ADAM32: variants seen among roughly 807,000 people sequenced by gnomAD.
ADAM32 encodes the protein ADAM metallopeptidase domain 32, also known as disintegrin and metalloproteinase domain-containing protein 32.
Under a neutral mutation model 114.9 loss-of-function variants are expected in ADAM32, and 89 were observed. The observed-to-expected ratio is 0.77, with a 90% CI of 0.65 to 0.92. The LOEUF (loss-of-function observed/expected upper bound fraction) is 0.92. ADAM32 is among the 40% of genes least tolerant of loss of function. The pLI is 0.00. For missense variants in ADAM32, 870 were observed against 932.8 expected, an observed-to-expected ratio of 0.93 and a Z score of 0.88; for synonymous variants, 285 against 307.5, an observed-to-expected ratio of 0.93 and a Z score of 0.77.
At chr8:39,181,015 G>A (rs987569455) in intron 10 of ADAM32, among the ~76,000 whole-genome samples, 6 of 152,070 alleles carry the variant, frequency 3.9e-5, no homozygotes, top group African/African-American at 4.8e-5. Flanking sequence ...GATTGTAAAC[G>A]CACCAATCAG....
At chr8:39,196,743 C>G (rs772672123) in intron 11 of ADAM32, among the ~76,000 whole-genome samples, 1 of 151,774 alleles carries the variant, frequency 6.6e-6, no homozygotes, top group Non-Finnish European at 1.5e-5. Context: ...TTTACTAATA[C>G]GTTGTTGAGA....
chr8:39,180,645 A>G (rs1805809998), intron 10 of ADAM32, among the ~76,000 whole-genome samples: 1 of 152,142 alleles, frequency 6.6e-6, no homozygotes, highest in Non-Finnish European at 1.5e-5. Flanking sequence ...GATTGTAAAT[A>G]CACCAATTGG....
At chr8:39,250,381 T>G (rs1811212598) in intron 17 of ADAM32, among the ~76,000 whole-genome samples, 1 of 151,920 alleles carries the variant, frequency 6.6e-6, no homozygotes, top group South Asian at 2.1e-4. Context: ...ATCAAAAGCA[T>G]TCTTCATTTC....
intron 2 of ADAM32, among the ~76,000 whole-genome samples, chr8:39,123,146 A>G (rs963991108): frequency 6.6e-6 from 1 of 152,186 alleles, no homozygotes; most frequent in Non-Finnish European, 1.5e-5. Flanking sequence ...ACCTTTGTAG[A>G]TCAAGTAAAT....
At chr8:39,142,879 A>G (rs938773487) in intron 3 of ADAM32, among the ~76,000 whole-genome samples, 1 of 151,996 alleles carries the variant, frequency 6.6e-6, no homozygotes, top group Non-Finnish European at 1.5e-5. Flanking sequence ...TAGTCCCTAT[A>G]TTTCTTGGAG....
chr8:39,284,093 T>C (rs1248851783), intron 24 of ADAM32, among the ~76,000 whole-genome samples: 1 of 152,212 alleles, frequency 6.6e-6, no homozygotes, highest in Non-Finnish European at 1.5e-5. Context: ...TAGCTTCAAA[T>C]GACCAATCTT....
chr8:39,164,603 C>T (rs1255301483), intron 7 of ADAM32, among the ~76,000 whole-genome samples, 161 bp from the exon 8 acceptor site: 1 of 152,172 alleles, frequency 6.6e-6, no homozygotes. Context: ...ATCAGCAATG[C>T]ATGAGGGATC....
In ADAM32 at chr8:39,154,251, C is replaced by T. The variant is rs1804010708; in HGVS notation, c.525+2703C>T. Among the ~76,000 whole-genome samples the T allele has an allele frequency of 2.6e-5, 4 of 151,962 alleles. No homozygotes were observed. The Middle Eastern group carries it at 0.014, about 524-fold the overall frequency. Reference sequence around the variant, plus strand: ...TCCCCTCCCTGTGTCCATGTGTTCTCATTGTTCATCTCCCACTTATGAATG... The same window carrying T: ...TCCCCTCCCTGTGTCCATGTGTTCTTATTGTTCATCTCCCACTTATGAATG... On this transcript the variant is annotated intron_variant, in intron 6 of 24. Transcript: ENST00000379907.
chr8:39,142,730 C>G (rs868511262), intron 3 of ADAM32, among the ~76,000 whole-genome samples: 18 of 152,104 alleles, frequency 1.2e-4, no homozygotes, highest in African/African-American at 4.1e-4. Context: ...TTTGTATTTT[C>G]TGAATTTGAA....
At chr8:39,182,141 C>CA (rs796801643) in intron 10 of ADAM32, among the ~76,000 whole-genome samples, 7 of 151,966 alleles carry the variant, frequency 4.6e-5, no homozygotes, top group Non-Finnish European at 1.0e-4. Flanking sequence ...AGTTCAGAAA[C>CA]AAAAAAATGT....
At chr8:39,214,102 A>G (rs556473724) in intron 12 of ADAM32, among the ~76,000 whole-genome samples, 1 of 152,250 alleles carries the variant, frequency 6.6e-6, no homozygotes, top group African/African-American at 2.4e-5. Context: ...GGACAGTTAG[A>G]CTGCTTCCAA....
At chr8:39,254,630 G>C in intron 18 of ADAM32, 114 bp downstream of exon 18, 2 of 728,612 alleles carry the variant, frequency 2.7e-6, no homozygotes, top group East Asian at 6.3e-5. Flanking sequence ...GTAATAAAAA[G>C]GTAATCAGAA....
rs1807359218 is a variant in ADAM32 at position 39,200,985 on chromosome 8, C to T, written c.1053-10159C>T. ...TCTGTTCTGTTCCATTGGTCTATATCTCTGTTTTGGTACCAGTATCATGCT... is the reference window on the plus strand; with the variant it reads ...TCTGTTCTGTTCCATTGGTCTATATTTCTGTTTTGGTACCAGTATCATGCT... On this transcript the variant is annotated intron_variant, in intron 11 of 24. Coordinates refer to ENST00000379907, the MANE Select transcript of ADAM32 (RefSeq NM_145004.7). Among the ~76,000 whole-genome samples, 5 of 152,174 alleles carry T rather than the reference C, an allele frequency of 3.3e-5. No individual in the cohort carries two copies. The South Asian group carries it at 1.0e-3, about 32-fold the overall frequency.
chr8:39,115,800 C>G (rs1034509882), intron 1 of ADAM32, among the ~76,000 whole-genome samples: 2 of 152,192 alleles, frequency 1.3e-5, no homozygotes, highest in Non-Finnish European at 2.9e-5. Context: ...GAGTCTTCAT[C>G]ATGAAACCTT....
Position 39,248,562 on chromosome 8 carries a change from C to G in ADAM32, c.1902+2396C>G, listed in dbSNP as rs571624619. On this transcript the variant is annotated intron_variant, in intron 17 of 24. Coordinates refer to ENST00000379907, the MANE Select transcript of ADAM32 (RefSeq NM_145004.7). ...TTGTATATTGCAACCATGCTACAAT[C>G]ACTTGTTAGTTCCAAGGGTTCTTCA... 3.3e-5 allele frequency among the ~76,000 whole-genome samples: 5 copies of G among 152,282 alleles called. No individual in the cohort carries two copies. In the South Asian group the frequency reaches 1.0e-3, roughly 32 times the overall value.
chr8:39,236,042 C>A (rs1363071666), intron 16 of ADAM32, among the ~76,000 whole-genome samples: 1 of 152,138 alleles, frequency 6.6e-6, no homozygotes, highest in African/African-American at 2.4e-5. Context: ...CGTGTAAAAA[C>A]TGCAACTTAA....
intron 10 of ADAM32, among the ~76,000 whole-genome samples, chr8:39,183,445 C>T (rs1348958992): frequency 1.3e-5 from 2 of 152,196 alleles, no homozygotes; most frequent in African/African-American, 4.8e-5. Flanking sequence ...AGTGCCGCAC[C>T]AGCCTGGGGC....
In ADAM32 at chr8:39,151,415, A is replaced by C. The variant is rs763754922; in HGVS notation, c.392A>C (p.Glu131Ala). The C allele has an allele frequency of 6.3e-7, 1 of 1,599,386 alleles. No homozygotes were observed. Among genetic ancestry groups the C allele is most frequent in the Admixed American group, 1.8e-5 (1 of 56,704 alleles). The change falls in exon 6 of 25, where the codon GAG becomes GCG. Residue 131 changes from glutamate (E) to alanine (A), a missense_variant. Coordinates refer to ENST00000379907, the MANE Select transcript of ADAM32 (RefSeq NM_145004.7). Reference protein sequence around the residue: ...LQFENVSYGIEPLESAVEFQH... With the variant: ...LQFENVSYGIAPLESAVEFQH... Reference sequence around the variant, plus strand: ...TTTGAAAATGTTTCTTATGGAATTGAGCCTCTGGAATCTGCAGTTGAATTT... The same window carrying C: ...TTTGAAAATGTTTCTTATGGAATTGCGCCTCTGGAATCTGCAGTTGAATTT...
In ADAM32 at chr8:39,246,162, A is replaced by C. The variant is rs1446608693; in HGVS notation, c.1898A>C (p.His633Pro). The C allele has an allele frequency of 6.2e-7, 1 of 1,611,932 alleles. No homozygotes were observed. The highest frequency in any genetic ancestry group is 8.5e-7 in the Non-Finnish European group (1 of 1,178,630). ...AHVCSQQCSG[H>P]GVCDSRNKCH... ...GTTTGTTCACAACAGTGTTCTGGAC[A>C]TGGAGTAAGTAACCACATGTTTCCC... Residue 633 changes from histidine to proline, a missense_variant, in exon 17 of 25, where the codon CAT becomes CCT. His to Pro is a moderately conservative substitution (Grantham distance 77). Transcript: ENST00000379907.
Sources: gnomAD v4.1 joint callset for allele counts (sites outside exome capture counted in the v4.1 genomes callset) on GRCh38, gnomAD v4.1.1 for gene constraint, MANE v1.5 for transcripts, NCBI Gene and HGNC (gene_info 2026-07-23, HGNC 2026-07-21) for gene names.